CX3CR1: variants seen among roughly 807,000 people sequenced by gnomAD.
CX3CR1 encodes the protein CX3C chemokine receptor 1.
For synonymous variants in CX3CR1, 168 were observed against 178.5 expected (o/e 0.94, Z 0.47); for missense variants, 363 against 432.4 (o/e 0.84, Z 1.42).
chr3:39,268,396 C>A (rs56174603), intron 1 of CX3CR1, among the ~76,000 whole-genome samples: 3 of 152,182 alleles, frequency 2.0e-5, no homozygotes, highest in Non-Finnish European at 4.4e-5. Context: ...GAGCCACATC[C>A]ATGTCAGTTT....
rs559151203 is a variant in CX3CR1, at chr3:39,265,366, A to G, written c.*76T>C. 1,235 of 1,461,942 alleles carry G rather than the reference A, an allele frequency of 8.4e-4. 2 individuals are homozygous for G. Among genetic ancestry groups the G allele is most frequent in the Non-Finnish European group, 9.8e-4 (1,064 of 1,086,464 alleles). The allele number at this position is 1,461,942 out of a possible 1,614,324, so 90.6% of individuals were successfully genotyped here. ...TTTGTGCCTGTAAGAAATAACAACA[A>G]AAATCTTTCCTCACTAGTCAGCATC... On this transcript the variant is annotated 3_prime_UTR_variant, in exon 2 of 2. Transcript: ENST00000399220.
intron 1 of CX3CR1, among the ~76,000 whole-genome samples, chr3:39,273,186 T>C (rs1324730970): frequency 6.6e-6 from 1 of 152,242 alleles, no homozygotes; most frequent in African/African-American, 2.4e-5. Context: ...TAAGAGAAAC[T>C]GGTCCATGAT....
At chr3:39,281,474 G>A (rs1028726100), upstream of CX3CR1, 78 of 834,480 alleles carry the variant, frequency 9.3e-5, 1 homozygote, top group African/African-American at 1.4e-4. Context: ...CACTCTTGAC[G>A]ACAGTCTCAT....
At chr3:39,280,082 A>T (rs1016191226), upstream of CX3CR1, 17 of 978,700 alleles carry the variant, frequency 1.7e-5, no homozygotes, top group Non-Finnish European at 2.1e-5. Flanking sequence ...GTTAGCCAAT[A>T]GTATCTTGTT....
intron 1 of CX3CR1, among the ~76,000 whole-genome samples, chr3:39,276,130 G>A (rs916138216): frequency 1.3e-5 from 2 of 152,174 alleles, no homozygotes; most frequent in African/African-American, 2.4e-5. Flanking sequence ...GAGTTGGGAG[G>A]AGCCCACATG....
At chr3:39,285,093 A>G (rs1575213684), upstream of CX3CR1, among the ~76,000 whole-genome samples, 2 of 152,222 alleles carry the variant, frequency 1.3e-5, no homozygotes, top group East Asian at 3.9e-4. Context: ...AGGCCAATAG[A>G]AAATTGGAGG....
At chr3:39,283,089 G>A (rs1447173093), upstream of CX3CR1, among the ~76,000 whole-genome samples, 7 of 152,068 alleles carry the variant, frequency 4.6e-5, no homozygotes, top group East Asian at 3.9e-4. Context: ...ACAGAGTTTC[G>A]CCATGTACCC....
At chr3:39,285,354 G>C (rs2040936829), upstream of CX3CR1, among the ~76,000 whole-genome samples, 1 of 152,142 alleles carries the variant, frequency 6.6e-6, no homozygotes, top group Non-Finnish European at 1.5e-5. Context: ...ACTCCAGCCT[G>C]GGTGAAAGAA....
upstream of CX3CR1, chr3:39,280,992 C>T (rs55695898): frequency 1.0e-2 from 7,281 of 728,864 alleles, 40 homozygotes; most frequent in South Asian, 0.022. Flanking sequence ...CCTTCAAGGC[C>T]CCTCTGGCCC....
Position 39,266,496 on chromosome 3 carries a change from G to A in CX3CR1, c.14C>T (p.Pro5Leu). 1 of 1,613,896 alleles carries A rather than the reference G, an allele frequency of 6.2e-7. No homozygotes were observed. Among genetic ancestry groups the A allele is most frequent in the South Asian group, 1.1e-5 (1 of 91,076 alleles). The change falls in exon 2 of 2, where the codon CCT becomes CTT. Residue 5 changes from proline (P) to leucine (L), a missense_variant. Transcript: ENST00000399220. MDQF[P>L]ESVTENFEYD... is the part of the protein sequence containing the mutation. ...CTCAAAGTTTTCTGTCACTGATTCAGGGAACTGATCCATGGTGAAGGCCTG... is the reference window on the plus strand; with the variant it reads ...CTCAAAGTTTTCTGTCACTGATTCAAGGAACTGATCCATGGTGAAGGCCTG...
chr3:39,281,868 CG>C (rs2040904762), upstream of CX3CR1: 1 of 591,220 alleles, frequency 1.7e-6, no homozygotes, highest in African/African-American at 1.9e-5. Flanking sequence ...TTAAAGCTAA[CG>C]GCTATGTTCC....
At chr3:39,281,794 G>C (rs1480096626), upstream of CX3CR1, 1 of 915,110 alleles carries the variant, frequency 1.1e-6, no homozygotes, top group African/African-American at 1.6e-5. Flanking sequence ...CTGTGCCCGT[G>C]GCAGGCTCTC....
upstream of CX3CR1, chr3:39,281,541 C>T: frequency 7.2e-7 from 1 of 1,381,808 alleles, no homozygotes; most frequent in African/African-American, 1.4e-5. Context: ...TACCTCCATC[C>T]AGGGCCTGGA....
rs1351331600 is a variant in CX3CR1 at position 39,265,874 on chromosome 3, G to C, written c.636C>G (p.Phe212Leu). ...AGGAAAACAGCGTCTGGATGATTCT[G>C]AAGTAGCAATAACTCATAATGAGCA... is the stretch of plus-strand genomic sequence containing the variant. ...LPLLIMSYCY[F>L]RIIQTLFSCK... The change falls in exon 2 of 2, where the codon TTC becomes TTG. Residue 212 changes from phenylalanine (F) to leucine (L), a missense_variant. Coordinates refer to ENST00000399220, the MANE Select transcript of CX3CR1 (RefSeq NM_001337.4). 6.2e-7 allele frequency: 1 copy of C among 1,614,126 alleles called. No individual in the cohort carries two copies. Among genetic ancestry groups the C allele is most frequent in the Non-Finnish European group, 8.5e-7 (1 of 1,180,060 alleles).
chr3:39,278,407 A>G (rs1423401750), intron 1 of CX3CR1, among the ~76,000 whole-genome samples: 1 of 152,056 alleles, frequency 6.6e-6, no homozygotes, highest in Non-Finnish European at 1.5e-5. Context: ...TTGAACCCCA[A>G]TCCACTGCCC....
rs1341161060 is a variant in CX3CR1, at chr3:39,266,076, T to C, written c.434A>G (p.His145Arg). 6.2e-7 allele frequency: 1 copy of C among 1,614,220 alleles called. No homozygotes were observed. The highest frequency in any genetic ancestry group is 1.3e-5 in the African/African-American group (1 of 75,060). The change falls in exon 2 of 2, where the codon CAT becomes CGT. Residue 145 changes from histidine to arginine, a missense_variant. Transcript: ENST00000399220. ...GACGCCTAGGCTGATGGTGACGCCA[T>C]GCTGCACGGTCCGGTTGTTCATGGA... The part of the protein sequence containing the change: ...ANSMNNRTVQ[H>R]GVTISLGVWA...
At chr3:39,292,399 C>T in the CX3CR1 span, among the ~76,000 whole-genome samples, 1 of 152,150 alleles carries the variant, frequency 6.6e-6, no homozygotes, top group Non-Finnish European at 1.5e-5. Flanking sequence ...ACTGTAGCAC[C>T]GAGGAGCTGC....
intron 1 of CX3CR1, among the ~76,000 whole-genome samples, chr3:39,271,900 T>G (rs35660161): frequency 0.019 from 2,923 of 152,314 alleles, 59 homozygotes; most frequent in South Asian, 0.037. Context: ...GTTTGGGAGC[T>G]GAGCCTAAGA....
chr3:39,271,579 G>C (rs529855003), intron 1 of CX3CR1, among the ~76,000 whole-genome samples: 1 of 152,134 alleles, frequency 6.6e-6, no homozygotes, highest in Non-Finnish European at 1.5e-5. Context: ...AGATATCAGC[G>C]TGGGTAATTG....
Sources: allele counts gnomAD v4.1 joint callset (sites outside exome capture counted in the v4.1 genomes callset), GRCh38; gene constraint gnomAD v4.1.1; transcripts MANE v1.5; gene names NCBI Gene and HGNC (gene_info 2026-07-23, HGNC 2026-07-21).